The following KLHL1 variants were observed in gnomAD, a reference collection of about 807,000 sequenced individuals.
KLHL1 encodes the protein kelch like family member 1.
Under a neutral mutation model 77.7 loss-of-function variants are expected in KLHL1, and 47 were observed. The observed-to-expected ratio is 0.60, with a 90% CI of 0.48 to 0.77. The LOEUF (loss-of-function observed/expected upper bound fraction) is 0.77, where lower values mean the gene tolerates loss of function less well. Among genes scored for constraint, KLHL1 ranks in the 30% least tolerant of loss-of-function variants. The pLI is 0.00. For missense variants in KLHL1, 925 were observed against 910.8 expected (o/e 1.02, Z -0.20); for synonymous variants, 360 against 325.2 (o/e 1.11, Z -1.15).
At chr13:69,916,527 G>A (rs1003672266) in intron 4 of KLHL1, among the ~76,000 whole-genome samples, 2 of 151,922 alleles carry the variant, frequency 1.3e-5, no homozygotes, top group African/African-American at 4.8e-5. Context: ...ACTCATAGGT[G>A]GGAATTGAAC....
chr13:69,945,081 G>T (rs1463822791), intron 3 of KLHL1, among the ~76,000 whole-genome samples: 5 of 147,344 alleles, frequency 3.4e-5, no homozygotes, highest in Non-Finnish European at 7.4e-5. Flanking sequence ...CACCTCCCGG[G>T]TTCAAGTGAT....
At chr13:69,733,003 A>C (rs1172965961) in intron 8 of KLHL1, among the ~76,000 whole-genome samples, 4 of 152,056 alleles carry the variant, frequency 2.6e-5, no homozygotes, top group African/African-American at 9.7e-5. Flanking sequence ...TATTATTGTG[A>C]GTTGATTAAA....
intron 4 of KLHL1, chr13:69,894,268 T>C: frequency 6.5e-6 from 1 of 155,020 alleles, no homozygotes; most frequent in Non-Finnish European, 1.4e-5. Flanking sequence ...ATTGTATCAT[T>C]GGCCAGCGTA....
chr13:69,700,863 A>G lies in KLHL1; in HGVS notation c.*839T>C, dbSNP rs1875358508. On this transcript the variant is annotated 3_prime_UTR_variant, in exon 11 of 11. Coordinates refer to ENST00000377844, the MANE Select transcript of KLHL1 (RefSeq NM_020866.3). ...AGTTTGTTTAAGAACAAAATTCTAA[A>G]GGAGTTCAACATGCAATGGATATAT... 6.6e-6 allele frequency: 1 copy of G among 152,334 alleles called. No homozygotes were observed. The highest frequency in any genetic ancestry group is 1.5e-5 in the Non-Finnish European group (1 of 67,834). 9.4% of individuals were successfully genotyped at this position (152,334 alleles called of 1,614,324 possible). A position where few individuals can be genotyped will look rare whatever the true frequency, so the allele number is the denominator to read the frequency against.
chr13:70,064,094 C>G (rs1409031176), intron 1 of KLHL1, among the ~76,000 whole-genome samples: 1 of 152,030 alleles, frequency 6.6e-6, no homozygotes, highest in African/African-American at 2.4e-5. Flanking sequence ...GACACAAAGA[C>G]AGGCTGAACA....
At chr13:69,862,697 T>TA (rs561588475) in intron 5 of KLHL1, among the ~76,000 whole-genome samples, 48,235 of 151,806 alleles carry the variant, frequency 0.32, 8,147 homozygotes, top group African/African-American at 0.44. Context: ...CTAAATGAGG[T>TA]ATTAATGCAA....
intron 1 of KLHL1, among the ~76,000 whole-genome samples, chr13:70,022,346 AGTTCCTATATGTTTTCTTTTT>A (rs1652845859): frequency 1.3e-5 from 2 of 150,654 alleles, no homozygotes; most frequent in East Asian, 3.9e-4. Flanking sequence ...CCATTGACCT[AGTTCCTATATGTTTTCTTTTT>A]GTCACAACTG....
chr13:70,107,769 C>G lies in KLHL1; in HGVS notation c.-70G>C. The stretch of plus-strand genomic sequence containing the variant: ...AGGCTGGTCAGCAGGTGGGGGAGGA[C>G]AGCGGGGCCCGGGGGCGGAGGAAGA... On this transcript the variant is annotated 5_prime_UTR_variant, in exon 1 of 11. Coordinates refer to ENST00000377844, the MANE Select transcript of KLHL1 (RefSeq NM_020866.3). The G allele has an allele frequency of 1.6e-6, 2 of 1,230,730 alleles. No homozygotes were observed. The highest frequency in any genetic ancestry group is 2.5e-5 in the East Asian group (1 of 40,046). 76.2% of individuals were successfully genotyped at this position (1,230,730 alleles called of 1,614,324 possible).
intron 1 of KLHL1, among the ~76,000 whole-genome samples, chr13:70,093,022 A>T (rs1223898437): frequency 6.6e-6 from 1 of 152,126 alleles, no homozygotes; most frequent in Non-Finnish European, 1.5e-5. Context: ...ATAAATTATG[A>T]TTTTATTTTT....
intron 7 of KLHL1, among the ~76,000 whole-genome samples, chr13:69,786,791 T>G (rs1876574156): frequency 6.6e-6 from 1 of 152,202 alleles, no homozygotes; most frequent in Admixed American, 6.5e-5. Flanking sequence ...CTTAAGCTGA[T>G]AAGCAACTTC....
chr13:69,999,335 C>T lies in KLHL1; in HGVS notation c.498-23533G>A, dbSNP rs1327946935. On this transcript the variant is annotated intron_variant, in intron 1 of 10. Coordinates refer to ENST00000377844, the MANE Select transcript of KLHL1 (RefSeq NM_020866.3). ...CATCGGTGGTCACCTAAGTCTATGGCTTCATGAGAAGATCCCAATGACTTG... is the reference window on the plus strand; with the variant it reads ...CATCGGTGGTCACCTAAGTCTATGGTTTCATGAGAAGATCCCAATGACTTG... Among the ~76,000 whole-genome samples the T allele has an allele frequency of 2.7e-5, 4 of 148,548 alleles. No homozygotes were observed. The East Asian group carries it at 8.0e-4, about 30-fold the overall frequency.
intron 5 of KLHL1, among the ~76,000 whole-genome samples, chr13:69,851,986 T>C (rs991702417): frequency 6.6e-6 from 1 of 151,912 alleles, no homozygotes; most frequent in African/African-American, 2.4e-5. Flanking sequence ...TCTTAAATCA[T>C]AACCTGGATT....
chr13:69,915,874 A>C (rs1314885721), intron 4 of KLHL1, among the ~76,000 whole-genome samples: 1 of 152,152 alleles, frequency 6.6e-6, no homozygotes, highest in African/African-American at 2.4e-5. Context: ...CAGAATCTAC[A>C]ATGAACTCAA....
At chr13:69,786,900 T>C (rs1474280388) in intron 7 of KLHL1, among the ~76,000 whole-genome samples, 1 of 152,168 alleles carries the variant, frequency 6.6e-6, no homozygotes, top group African/African-American at 2.4e-5. Flanking sequence ...GAACTCCCAT[T>C]CACAATTGCT....
intron 3 of KLHL1, among the ~76,000 whole-genome samples, chr13:69,950,509 T>C (rs1213133518): frequency 1.3e-5 from 2 of 151,564 alleles, no homozygotes; most frequent in Non-Finnish European, 3.0e-5. Flanking sequence ...CTAATTTCCA[T>C]GGAGTTTAAC....
intron 5 of KLHL1, among the ~76,000 whole-genome samples, chr13:69,852,728 C>G (rs574991812): frequency 6.6e-6 from 1 of 151,890 alleles, no homozygotes; most frequent in East Asian, 1.9e-4. Flanking sequence ...AAGGTAGATG[C>G]ATCATGCAAG....
chr13:69,801,217 G>GA (rs1405024521), intron 6 of KLHL1, among the ~76,000 whole-genome samples: 2 of 152,152 alleles, frequency 1.3e-5, no homozygotes, highest in Non-Finnish European at 2.9e-5. Flanking sequence ...CCACTCTACT[G>GA]AAAAATAACA....
chr13:69,936,313 G>A (rs951398218), intron 4 of KLHL1, among the ~76,000 whole-genome samples: 3 of 152,162 alleles, frequency 2.0e-5, no homozygotes, highest in Non-Finnish European at 4.4e-5. Context: ...TGGAGGCCTG[G>A]TGTGATGGCT....
chr13:69,701,816 A>T, intron 10 of KLHL1, 55 bp from the exon 11 acceptor site: 8 of 1,231,734 alleles, frequency 6.5e-6, no homozygotes, highest in Non-Finnish European at 8.0e-6. Flanking sequence ...AAAATATAAA[A>T]CTTATATTTT....
Sources: allele counts gnomAD v4.1 joint callset (sites outside exome capture counted in the v4.1 genomes callset), GRCh38; gene constraint gnomAD v4.1.1; transcripts MANE v1.5; gene names NCBI Gene and HGNC (gene_info 2026-07-23, HGNC 2026-07-21).